RBMS3: variants seen among roughly 807,000 people sequenced by gnomAD.
RBMS3 encodes the protein RNA-binding motif, single-stranded-interacting protein 3.
Under a neutral mutation model 66.8 loss-of-function variants are expected in RBMS3, and 27 were observed. That is an observed-to-expected ratio of 0.40 (90% CI 0.30 to 0.56). RBMS3 has a LOEUF of 0.56. Among genes scored for constraint, RBMS3 ranks in the 20% least tolerant of loss-of-function variants. The pLI is 0.40. For synonymous variants in RBMS3, 188 were observed against 183.0 expected (o/e 1.03, Z -0.22); for missense variants, 513 against 549.5 (o/e 0.93, Z 0.66).
chr3:29,876,142 T>C (rs1012749350), intron 7 of RBMS3, among the ~76,000 whole-genome samples: 8 of 152,184 alleles, frequency 5.3e-5, no homozygotes, highest in African/African-American at 1.9e-4. Flanking sequence ...ATCCTGATTC[T>C]AGGCCAGTAA....
At chr3:29,837,681 T>TATATATAATGAAC (rs2058555802) in intron 6 of RBMS3, among the ~76,000 whole-genome samples, 3 of 116,544 alleles carry the variant, frequency 2.6e-5, no homozygotes, top group African/African-American at 1.1e-4. Context: ...TATATATATA[T>TATATATAATGAAC]ATATATATAT....
chr3:29,562,266 G>A (rs1456471608), intron 3 of RBMS3, among the ~76,000 whole-genome samples: 2 of 152,070 alleles, frequency 1.3e-5, no homozygotes, highest in Admixed American at 6.6e-5. Context: ...GAAGAAAACG[G>A]CAGCCCCTAC....
At chr3:29,616,199 C>T (rs2048665556) in intron 4 of RBMS3, 1 of 152,158 alleles carries the variant, frequency 6.6e-6, no homozygotes, top group Admixed American at 6.6e-5. Flanking sequence ...TAAAAATTTA[C>T]AAATTGCCCG....
At chr3:29,428,976 C>G (rs1402026539) in intron 1 of RBMS3, among the ~76,000 whole-genome samples, 1 of 152,130 alleles carries the variant, frequency 6.6e-6, no homozygotes, top group African/African-American at 2.4e-5. Context: ...CCTGCTGATA[C>G]TTAGATGCTC....
intron 1 of RBMS3, among the ~76,000 whole-genome samples, chr3:29,304,144 CT>C (rs1438225607): frequency 6.6e-6 from 1 of 151,776 alleles, no homozygotes; most frequent in East Asian, 1.9e-4. Context: ...TATTTGTTTG[CT>C]TTTGTATATA....
At chr3:29,418,201 A>T (rs80271671) in intron 1 of RBMS3, among the ~76,000 whole-genome samples, 3 of 152,166 alleles carry the variant, frequency 2.0e-5, no homozygotes, top group Non-Finnish European at 4.4e-5. Flanking sequence ...AAGAAGTTCA[A>T]AGTAAATGGA....
intron 6 of RBMS3, among the ~76,000 whole-genome samples, chr3:29,864,078 C>A (rs1263450277): frequency 6.6e-6 from 1 of 152,110 alleles, no homozygotes; most frequent in Non-Finnish European, 1.5e-5. Context: ...TGGAACTTAG[C>A]TTTAGCAACA....
chr3:29,863,070 A>G (rs982119918), intron 6 of RBMS3, among the ~76,000 whole-genome samples: 1 of 152,192 alleles, frequency 6.6e-6, no homozygotes, highest in African/African-American at 2.4e-5. Flanking sequence ...GCCACTCTCA[A>G]TGAAATATTT....
chr3:29,759,917 G>A (rs2055591883), intron 5 of RBMS3, among the ~76,000 whole-genome samples: 1 of 152,058 alleles, frequency 6.6e-6, no homozygotes, highest in African/African-American at 2.4e-5. Context: ...TTGACACTAA[G>A]CGCCGGCAGC....
rs55679426 is a variant in RBMS3 at position 29,388,084 on chromosome 3, G to GACACAC, written c.76-46637_76-46632dup. Among the ~76,000 whole-genome samples, 851 of 147,042 alleles carry GACACAC rather than the reference G, an allele frequency of 5.8e-3. 9 individuals carry two copies. The highest frequency in any genetic ancestry group is 0.02 in the African/African-American group (777 of 38,794). On this transcript the variant is annotated intron_variant, in intron 1 of 14. Transcript: ENST00000383767. ...CAACCAAACTGTCTACACACACACA[G>GACACAC]ACACACACACACACACACACACACA... is the stretch of plus-strand genomic sequence containing the variant.
chr3:29,739,450 C>T (rs1342083579), intron 4 of RBMS3, among the ~76,000 whole-genome samples: 2 of 115,814 alleles, frequency 1.7e-5, no homozygotes, highest in Non-Finnish European at 3.5e-5. Context: ...AGCGAGACTC[C>T]GTCTCAAGAA....
Position 29,917,649 on chromosome 3 carries a change from G to C in RBMS3, c.939+17894G>C, listed in dbSNP as rs574014217. On this transcript the variant is annotated intron_variant, in intron 10 of 14. Coordinates refer to ENST00000383767, the MANE Select transcript of RBMS3 (RefSeq NM_001003793.3). Reference sequence around the variant, plus strand: ...ATGCATTTGGTGGGATTCTCTTAGAGAGGGTCATGGGAGGCAGAAAACAAC... The same window carrying C: ...ATGCATTTGGTGGGATTCTCTTAGACAGGGTCATGGGAGGCAGAAAACAAC... Among the ~76,000 whole-genome samples the C allele has an allele frequency of 2.0e-5, 3 of 152,122 alleles. No individual in the cohort carries two copies. In the East Asian group the frequency reaches 5.8e-4, roughly 29 times the overall value.
chr3:29,743,079 T>C (rs556748532), intron 5 of RBMS3, among the ~76,000 whole-genome samples: 1 of 152,314 alleles, frequency 6.6e-6, no homozygotes, highest in South Asian at 2.1e-4. Flanking sequence ...AGGAGCAGAA[T>C]CCCATATAAT....
At chr3:29,358,152 T>C (rs2037341259) in intron 1 of RBMS3, among the ~76,000 whole-genome samples, 1 of 152,206 alleles carries the variant, frequency 6.6e-6, no homozygotes, top group African/African-American at 2.4e-5. Flanking sequence ...TTGCCTAGGT[T>C]TTCCTCTAGA....
At chr3:29,552,685 AT>A (rs1392370426) in intron 3 of RBMS3, among the ~76,000 whole-genome samples, 1 of 152,202 alleles carries the variant, frequency 6.6e-6, no homozygotes, top group African/African-American at 2.4e-5. Context: ...ATTAAAAAAA[AT>A]ATAATCACAA....
chr3:29,816,181 C>G (rs2149466608), intron 6 of RBMS3, among the ~76,000 whole-genome samples: 1 of 152,140 alleles, frequency 6.6e-6, no homozygotes, highest in African/African-American at 2.4e-5. Flanking sequence ...CAGTCTTTTA[C>G]TGGACCCTCT....
chr3:29,899,030 A>G (rs73831083), intron 9 of RBMS3, among the ~76,000 whole-genome samples: 3,408 of 151,676 alleles, frequency 0.022, 128 homozygotes, highest in African/African-American at 0.078. Context: ...GTATATAAAA[A>G]AAATCTTCTG....
chr3:29,909,246 C>T (rs889323731), intron 10 of RBMS3, among the ~76,000 whole-genome samples: 1 of 152,092 alleles, frequency 6.6e-6, no homozygotes, highest in Non-Finnish European at 1.5e-5. Flanking sequence ...TTTTTATTAG[C>T]TTGACAATCC....
chr3:29,898,960 A>G (rs2060190294), intron 9 of RBMS3, among the ~76,000 whole-genome samples: 1 of 151,358 alleles, frequency 6.6e-6, no homozygotes, highest in South Asian at 2.1e-4. Flanking sequence ...GATGTTGTTG[A>G]TTCTCACCTT....
Sources: allele counts gnomAD v4.1 joint callset (sites outside exome capture counted in the v4.1 genomes callset), GRCh38; gene constraint gnomAD v4.1.1; transcripts MANE v1.5; gene names NCBI Gene and HGNC (gene_info 2026-07-23, HGNC 2026-07-21).